Variants in NBEA observed in about 807,000 individuals in gnomAD.
The protein encoded by NBEA is neurobeachin.
Under a neutral mutation model 343.4 loss-of-function variants are expected in NBEA, and 44 were observed. The observed-to-expected ratio is 0.13, with a 90% confidence interval of 0.10 to 0.16. The LOEUF (loss-of-function observed/expected upper bound fraction) is 0.16, where lower values mean the gene tolerates loss of function less well. NBEA is among the 10% of genes least tolerant of loss of function. The pLI is 1.00. For synonymous variants in NBEA, 1,175 were observed against 1,238.7 expected, an observed-to-expected ratio of 0.95 and a Z score of 1.08; for missense variants, 2,555 against 3,631.3, an observed-to-expected ratio of 0.70 and a Z score of 7.62.
chr13:35,027,386 T>C (rs2152545931), intron 1 of NBEA, among the ~76,000 whole-genome samples: 1 of 151,818 alleles, frequency 6.6e-6, no homozygotes, highest in East Asian at 1.9e-4. Flanking sequence ...AGATCCACTT[T>C]TTTTTTTTTG....
At chr13:35,484,391 A>G (rs1566204822) in intron 41 of NBEA, among the ~76,000 whole-genome samples, 2 of 151,868 alleles carry the variant, frequency 1.3e-5, no homozygotes, top group East Asian at 3.9e-4. Context: ...AACAAAATGT[A>G]TAACTCTTCA....
intron 26 of NBEA, among the ~76,000 whole-genome samples, chr13:35,173,059 A>C (rs2070594942): frequency 6.6e-6 from 1 of 152,152 alleles, no homozygotes; most frequent in Admixed American, 6.6e-5. Flanking sequence ...TAGAGTCGAC[A>C]AGATAGTCAA....
chr13:35,551,083 C>T lies in NBEA; in HGVS notation c.6806+51C>T, dbSNP rs1010725626. The T allele has an allele frequency of 1.1e-5, 11 of 1,029,262 alleles. No homozygotes were observed. The African/African-American group carries it at 1.8e-4, about 17-fold the overall frequency. The allele number at this position is 1,029,262 out of a possible 1,614,324, so 63.8% of individuals were successfully genotyped here. A position where few individuals can be genotyped will look rare whatever the true frequency, so the allele number is the denominator to read the frequency against. On this transcript the variant is annotated intron_variant, in intron 43 of 58. Coordinates refer to ENST00000379939, the MANE Select transcript of NBEA (RefSeq NM_001385012.1). Reference sequence around the variant, plus strand: ...CTATGGCTTGTTAACATATTTCAATCTCAATATTACAGCAATGTAAATGTG... The same window carrying T: ...CTATGGCTTGTTAACATATTTCAATTTCAATATTACAGCAATGTAAATGTG...
rs1209114332 is a variant in NBEA, at chr13:35,101,474, G to T, written c.1680+3069G>T. 3.3e-5 allele frequency among the ~76,000 whole-genome samples: 5 copies of T among 151,804 alleles called. No individual in the cohort carries two copies. The South Asian group carries it at 1.0e-3, about 31-fold the overall frequency. On this transcript the variant is annotated intron_variant, in intron 11 of 58. Transcript: ENST00000379939. ...TCATATGCTTGTTGTCTATTTTCATGTGCTTATTAGCTATTTATTGATATA... is the reference window on the plus strand; with the variant it reads ...TCATATGCTTGTTGTCTATTTTCATTTGCTTATTAGCTATTTATTGATATA...
chr13:35,561,470 T>C (rs994700145), intron 44 of NBEA, among the ~76,000 whole-genome samples: 3 of 152,152 alleles, frequency 2.0e-5, no homozygotes, highest in Non-Finnish European at 4.4e-5. Flanking sequence ...CCACAAATAT[T>C]CTATAAATAA....
At chr13:35,474,748 T>A in intron 41 of NBEA, 1 of 277,826 alleles carries the variant, frequency 3.6e-6, no homozygotes, top group South Asian at 7.6e-5. Flanking sequence ...AGGCAGAGTG[T>A]TCGTCTCGGT....
intron 6 of NBEA, among the ~76,000 whole-genome samples, chr13:35,054,594 C>CTTT (rs1339881372): frequency 2.1e-5 from 3 of 141,154 alleles, no homozygotes; most frequent in Admixed American, 7.0e-5. Context: ...GTATTACTGA[C>CTTT]TTTTTTGAGT....
intron 17 of NBEA, among the ~76,000 whole-genome samples, chr13:35,131,886 T>C (rs1200105713): frequency 6.6e-6 from 1 of 152,088 alleles, no homozygotes; most frequent in East Asian, 1.9e-4. Context: ...AATTGCAAGG[T>C]ATTTGGAAGT....
At chr13:35,090,855 A>G (rs770043907) in intron 10 of NBEA, among the ~76,000 whole-genome samples, 4 of 152,030 alleles carry the variant, frequency 2.6e-5, no homozygotes, top group African/African-American at 9.7e-5. Context: ...TGAAAAGTGA[A>G]TAATAGCAGG....
At chr13:35,065,237 A>G (rs905216491) in intron 8 of NBEA, among the ~76,000 whole-genome samples, 2 of 152,008 alleles carry the variant, frequency 1.3e-5, no homozygotes, top group East Asian at 1.9e-4. Flanking sequence ...GCCTGGCTAT[A>G]AAATCCCTGA....
intron 10 of NBEA, among the ~76,000 whole-genome samples, chr13:35,077,409 A>G (rs1020244089): frequency 3.9e-5 from 6 of 152,172 alleles, no homozygotes; most frequent in Non-Finnish European, 7.4e-5. Flanking sequence ...TTACTGAGGA[A>G]CATTGTCTCC....
chr13:35,080,871 G>A (rs1399347670), intron 10 of NBEA, among the ~76,000 whole-genome samples: 2 of 152,066 alleles, frequency 1.3e-5, no homozygotes, highest in Non-Finnish European at 2.9e-5. Context: ...AGATACAGGA[G>A]TTGGTACCTT....
chr13:35,171,045 G>A lies in NBEA; in HGVS notation c.4243-227G>A, dbSNP rs962344267. Reference sequence around the variant, plus strand: ...ATAACTAAAGACATTTAAAACTAATGTTGATTTTAAAATGGGCTTTTCCTT... The same window carrying A: ...ATAACTAAAGACATTTAAAACTAATATTGATTTTAAAATGGGCTTTTCCTT... On this transcript the variant is annotated intron_variant, in intron 25 of 58. Transcript: ENST00000379939. 9 of 645,586 alleles carry A rather than the reference G, an allele frequency of 1.4e-5. No individual in the cohort carries two copies. The African/African-American group carries it at 1.4e-4, about 10-fold the overall frequency. 40.0% of individuals were successfully genotyped at this position (645,586 alleles called of 1,614,324 possible). A position where few individuals can be genotyped will look rare whatever the true frequency, so the allele number is the denominator to read the frequency against.
intron 53 of NBEA, among the ~76,000 whole-genome samples, chr13:35,652,605 C>CA (rs2084591412): frequency 6.9e-6 from 1 of 144,968 alleles, no homozygotes; most frequent in Non-Finnish European, 1.5e-5. Context: ...GGCACCACTG[C>CA]ACTCCAGCCT....
At chr13:35,162,425 G>C (rs1452809217) in intron 23 of NBEA, among the ~76,000 whole-genome samples, 1 of 152,044 alleles carries the variant, frequency 6.6e-6, no homozygotes, top group South Asian at 2.1e-4. Context: ...AGAAATGTTG[G>C]CTTCCATGCT....
intron 8 of NBEA, 44 bp downstream of exon 8, chr13:35,058,907 A>T (rs1257040224): frequency 6.8e-6 from 10 of 1,466,260 alleles, no homozygotes; most frequent in Non-Finnish European, 8.3e-6. Context: ...AGAGTTTTAG[A>T]TGTAAAATGT....
intron 39 of NBEA, among the ~76,000 whole-genome samples, chr13:35,450,398 G>C (rs944105745): frequency 6.6e-6 from 1 of 152,126 alleles, no homozygotes; most frequent in African/African-American, 2.4e-5. Context: ...GAGGCAGAAT[G>C]ATTGCTTGAG....
chr13:35,557,503 G>C (rs1338324918), intron 44 of NBEA, among the ~76,000 whole-genome samples: 2 of 152,082 alleles, frequency 1.3e-5, no homozygotes, highest in African/African-American at 4.8e-5. Context: ...GACTCTGGTG[G>C]GAATTTAAAA....
At chr13:35,235,599 G>A (rs576196480) in intron 34 of NBEA, among the ~76,000 whole-genome samples, 4 of 152,282 alleles carry the variant, frequency 2.6e-5, no homozygotes, top group South Asian at 2.1e-4. Flanking sequence ...TAAGACTCAC[G>A]TTACTGGCTC....
Sources: gnomAD v4.1 joint callset for allele counts (sites outside exome capture counted in the v4.1 genomes callset) on GRCh38, gnomAD v4.1.1 for gene constraint, MANE v1.5 for transcripts, NCBI Gene and HGNC (gene_info 2026-07-23, HGNC 2026-07-21) for gene names.